Variants in SYTL3 observed in about 807,000 individuals in gnomAD.
SYTL3 encodes synaptotagmin like 3.
A neutral mutation model predicts 82.1 loss-of-function variants in SYTL3; 88 were observed. The ratio of observed to expected loss-of-function variants is 1.07; its 90% CI spans 0.90 to 1.28. SYTL3 has a LOEUF of 1.28. Among genes scored for constraint, SYTL3 ranks in the 50% most tolerant of loss-of-function variants. The pLI, the probability that SYTL3 is intolerant of heterozygous loss-of-function variation, is 0.00. For missense variants in SYTL3, 831 were observed against 757.6 expected, an observed-to-expected ratio of 1.10 and a Z score of -1.14; for synonymous variants, 311 against 289.4, an observed-to-expected ratio of 1.07 and a Z score of -0.76.
chr6:158,748,230 G>T (rs923863174), intron 12 of SYTL3, among the ~76,000 whole-genome samples: 1 of 152,104 alleles, frequency 6.6e-6, no homozygotes, highest in Non-Finnish European at 1.5e-5. Flanking sequence ...AAAGAGTGAT[G>T]ATGGGAAAAG....
intron 11 of SYTL3, among the ~76,000 whole-genome samples, chr6:158,730,582 C>T (rs961946434): frequency 2.0e-5 from 3 of 152,124 alleles, no homozygotes; most frequent in Non-Finnish European, 4.4e-5. Context: ...GGTAAGGAAT[C>T]GAGACCCACC....
chr6:158,725,051 T>C (rs1784540686), intron 10 of SYTL3, among the ~76,000 whole-genome samples: 1 of 152,156 alleles, frequency 6.6e-6, no homozygotes, highest in Non-Finnish European at 1.5e-5. Context: ...AAAAAAAGCA[T>C]CAACTGTTAG....
chr6:158,726,345 G>T, intron 11 of SYTL3: 1 of 353,910 alleles, frequency 2.8e-6, no homozygotes, highest in Non-Finnish European at 5.4e-6. Flanking sequence ...GATGTCCCCT[G>T]CATGAACTTG....
At chr6:158,744,619 C>T (rs1377766701) in intron 11 of SYTL3, among the ~76,000 whole-genome samples, 1 of 152,142 alleles carries the variant, frequency 6.6e-6, no homozygotes, top group Non-Finnish European at 1.5e-5. Flanking sequence ...GCACCCGGCA[C>T]TCCCATGCTT....
chr6:158,667,165 A>G (rs1290394253), intron 5 of SYTL3, among the ~76,000 whole-genome samples: 1 of 152,170 alleles, frequency 6.6e-6, no homozygotes, highest in Non-Finnish European at 1.5e-5. Flanking sequence ...TCTTCTACCA[A>G]TGAACTGTAA....
intron 6 of SYTL3, among the ~76,000 whole-genome samples, chr6:158,706,460 AG>A (rs1782108058): frequency 1.3e-5 from 2 of 152,276 alleles, no homozygotes; most frequent in South Asian, 4.1e-4. Context: ...AAATCCCCCA[AG>A]CTTCGGCACA....
chr6:158,759,920 C>G (rs886229124), intron 14 of SYTL3, among the ~76,000 whole-genome samples: 2 of 151,926 alleles, frequency 1.3e-5, no homozygotes, highest in Non-Finnish European at 2.9e-5. Context: ...AGCTCATCAG[C>G]TGTTGTTAGT....
intron 5 of SYTL3, among the ~76,000 whole-genome samples, chr6:158,667,418 A>G (rs1407563870): frequency 6.6e-6 from 1 of 152,162 alleles, no homozygotes; most frequent in Non-Finnish European, 1.5e-5. Context: ...GAGAGAGCCA[A>G]GTAGTTTGTG....
intron 9 of SYTL3, among the ~76,000 whole-genome samples, 168 bp from the exon 10 acceptor site, chr6:158,717,919 C>G (rs974520425): frequency 6.6e-6 from 1 of 152,310 alleles, no homozygotes. Context: ...CTTCCCAACA[C>G]CTCTGCACTT....
At chr6:158,750,146 G>A (rs890977828) in intron 12 of SYTL3, among the ~76,000 whole-genome samples, 2 of 152,166 alleles carry the variant, frequency 1.3e-5, no homozygotes, top group Non-Finnish European at 2.9e-5. Context: ...AATTATGGAA[G>A]AATGTATACA....
intron 6 of SYTL3, among the ~76,000 whole-genome samples, chr6:158,704,460 A>G (rs1562398519): frequency 6.6e-6 from 1 of 152,234 alleles, no homozygotes; most frequent in Non-Finnish European, 1.5e-5. Flanking sequence ...GCCGAAGCGG[A>G]GGTTTCCTAG....
At chr6:158,764,358 C>T (rs533697328) in intron 17 of SYTL3, 137 bp from the exon 18 acceptor site, 84 of 626,904 alleles carry the variant, frequency 1.3e-4, no homozygotes, top group African/African-American at 7.3e-5. Context: ...GTGGTGGCGG[C>T]GTCTGTCATC....
chr6:158,648,975 C>T (rs1383296925), upstream of SYTL3, among the ~76,000 whole-genome samples: 3 of 152,192 alleles, frequency 2.0e-5, no homozygotes, highest in Non-Finnish European at 4.4e-5. Flanking sequence ...TACCTCTGTA[C>T]CCCATGAAAC....
At chr6:158,706,146 A>G (rs1300011645) in intron 6 of SYTL3, among the ~76,000 whole-genome samples, 1 of 152,126 alleles carries the variant, frequency 6.6e-6, no homozygotes, top group Non-Finnish European at 1.5e-5. Flanking sequence ...GGTGCCTTAT[A>G]GAATCCTGTG....
chr6:158,737,216 C>G (rs1313697021), intron 11 of SYTL3, among the ~76,000 whole-genome samples: 1 of 152,126 alleles, frequency 6.6e-6, no homozygotes, highest in African/African-American at 2.4e-5. Flanking sequence ...TGAAATAGAT[C>G]CCCATTTTAC....
At chr6:158,676,462 AC>A (rs1354025066) in intron 5 of SYTL3, among the ~76,000 whole-genome samples, 1 of 151,910 alleles carries the variant, frequency 6.6e-6, no homozygotes, top group Non-Finnish European at 1.5e-5. Flanking sequence ...CTAGAAGAAA[AC>A]CTAGGCAATA....
intron 11 of SYTL3, 117 bp downstream of exon 11, chr6:158,725,754 C>G: frequency 7.5e-7 from 1 of 1,325,522 alleles, no homozygotes; most frequent in South Asian, 1.4e-5. Flanking sequence ...TTTTGGAGAA[C>G]AGCAAGGCAT....
chr6:158,647,538 T>TTC (rs1787558945), upstream of SYTL3, among the ~76,000 whole-genome samples: 1 of 152,272 alleles, frequency 6.6e-6, no homozygotes, highest in Admixed American at 6.5e-5. Context: ...TCTAGGCTTA[T>TTC]GTGATGTTGT....
intron 16 of SYTL3, among the ~76,000 whole-genome samples, chr6:158,762,978 G>C (rs1351341456): frequency 4.6e-5 from 7 of 152,206 alleles, no homozygotes; most frequent in African/African-American, 1.7e-4. Flanking sequence ...CCTTGGACAA[G>C]CTTGTCTGAG....
Sources: gnomAD v4.1 joint callset for allele counts (sites outside exome capture counted in the v4.1 genomes callset) on GRCh38, gnomAD v4.1.1 for gene constraint, MANE v1.5 for transcripts, NCBI Gene and HGNC (gene_info 2026-07-23, HGNC 2026-07-21) for gene names.